The following FLAD1 variants were observed in gnomAD, a reference collection of about 807,000 sequenced individuals.
FLAD1 encodes the protein bifunctional FAD diphosphatase/FAD synthase.
FLAD1 carries 35 observed loss-of-function variants against 55.0 expected under a neutral mutation model. The observed-to-expected ratio is 0.64, with a 90% confidence interval of 0.49 to 0.84. FLAD1 has a LOEUF of 0.84. FLAD1 is among the 40% of genes least tolerant of loss of function. The probability of loss-of-function intolerance (pLI) is 0.00; values close to 1 mark genes in which losing one functional copy is unlikely to be tolerated. For missense variants in FLAD1, 665 were observed against 742.6 expected (o/e 0.90, Z 1.21); for synonymous variants, 267 against 303.0 (o/e 0.88, Z 1.23).
intron 1 of FLAD1, 94 bp from the exon 2 acceptor site, chr1:154,988,011 G>A: frequency 6.2e-7 from 1 of 1,602,888 alleles, no homozygotes; most frequent in Non-Finnish European, 8.5e-7. Flanking sequence ...AAAGAGCAGA[G>A]CACTGCATCA....
chr1:154,984,132 TC>T, intron 1 of FLAD1, 66 bp downstream of exon 1: 1 of 1,364,476 alleles, frequency 7.3e-7, no homozygotes, highest in Non-Finnish European at 9.6e-7. Context: ...CTGCTGCACA[TC>T]CCTCCATGGA....
At chr1:154,987,794 T>C in intron 1 of FLAD1, 2 of 562,502 alleles carry the variant, frequency 3.6e-6, no homozygotes, top group East Asian at 3.1e-5. Flanking sequence ...TAAAATGAGC[T>C]GAATGTGGTG....
intron 1 of FLAD1, 57 bp from the exon 2 acceptor site, chr1:154,988,048 A>T (rs527449937): frequency 1.7e-5 from 27 of 1,612,778 alleles, no homozygotes; most frequent in Middle Eastern, 3.3e-4. Flanking sequence ...ATCATCTTCA[A>T]CCCCTCCCCT....
Position 154,993,111 on chromosome 1 carries a change from G to A in FLAD1, c.*74G>A. On this transcript the variant is annotated 3_prime_UTR_variant, in exon 7 of 7. Coordinates refer to ENST00000292180, the MANE Select transcript of FLAD1 (RefSeq NM_025207.5). ...GGCAATAAACCGTGCCTCTCACTGTGCCTGTTGCTCTAGCTGTGTCTTCCT... is the reference window on the plus strand; with the variant it reads ...GGCAATAAACCGTGCCTCTCACTGTACCTGTTGCTCTAGCTGTGTCTTCCT... 2.1e-6 allele frequency: 3 copies of A among 1,417,632 alleles called. No individual in the cohort carries two copies. Among genetic ancestry groups the A allele is most frequent in the East Asian group, 2.3e-5 (1 of 43,720 alleles). The allele number at this position is 1,417,632 out of a possible 1,614,324, so 87.8% of individuals were successfully genotyped here.
In FLAD1 at chr1:154,992,882, C is replaced by T. The variant is rs1341440193; in HGVS notation, c.1629-20C>T. 1.2e-6 allele frequency: 2 copies of T among 1,613,890 alleles called. No homozygotes were observed. Among genetic ancestry groups the T allele is most frequent in the Non-Finnish European group, 1.7e-6 (2 of 1,179,962 alleles). ...TCGCCCACCCTACCACATGCTTGCC[C>T]TCCACCCTCCCTGCTCCAGATACAC... On this transcript the variant is annotated intron_variant, in intron 6 of 6. Coordinates refer to ENST00000292180, the MANE Select transcript of FLAD1 (RefSeq NM_025207.5).
rs1206451874 is a variant in FLAD1 at position 154,983,587 on chromosome 1, C to T, written c.-108C>T. 1.2e-5 allele frequency: 14 copies of T among 1,212,128 alleles called. No homozygotes were observed. The highest frequency in any genetic ancestry group is 1.6e-5 in the Non-Finnish European group (14 of 868,944). 75.1% of individuals were successfully genotyped at this position (1,212,128 alleles called of 1,614,324 possible). ...AGGGGTACGGATGCCCAAGGTAGAG[C>T]AGACACTTGAGGAGACCAGCTCAGC... On this transcript the variant is annotated 5_prime_UTR_variant, in exon 1 of 7. The change creates a premature stop within an existing upstream ORF in the 5' untranslated region. Coordinates refer to ENST00000292180, the MANE Select transcript of FLAD1 (RefSeq NM_025207.5).
rs763187537 is a variant in FLAD1 at position 154,988,789 on chromosome 1, C to G, written c.1057C>G (p.Pro353Ala). ...TARLPQGSLVPYMPNAVEQAS... is the reference protein window; with the variant it reads ...TARLPQGSLVAYMPNAVEQAS... ...CCGTTTGCCCCAGGGATCGCTGGTC[C>G]CCTACATGCCCAACGCTGTGGAGCA... The change falls in exon 2 of 7, where the codon CCC becomes GCC. Residue 353 changes from proline to alanine, a missense_variant. Pro to Ala is a conservative substitution (Grantham distance 27). Coordinates refer to ENST00000292180, the MANE Select transcript of FLAD1 (RefSeq NM_025207.5). 2.5e-6 allele frequency: 4 copies of G among 1,614,084 alleles called. No homozygotes were observed.
rs1657818551 is a variant in FLAD1 at position 154,990,586 on chromosome 1, C to T, written c.1554+58C>T. 5 of 1,464,546 alleles carry T rather than the reference C, an allele frequency of 3.4e-6. No homozygotes were observed. The South Asian group carries it at 4.1e-5, about 12-fold the overall frequency. The allele number at this position is 1,464,546 out of a possible 1,614,324, so 90.7% of individuals were successfully genotyped here. ...TCACGTGCCCCAGCAGTCACTGCAC[C>T]CTAGCTCACCTGCAGTAGTGGGGAG... On this transcript the variant is annotated intron_variant, in intron 5 of 6. Transcript: ENST00000292180.
rs755481310 is a variant in FLAD1 at position 154,988,435 on chromosome 1, C to G, written c.703C>G (p.Pro235Ala). ...TGCCCGCCTGCATTATGGCACAGAT[C>G]CTTGCACTGGTCAACCTTTCAGATT... ...SSARLHYGTDPCTGQPFRFPL... is the reference protein window; with the variant it reads ...SSARLHYGTDACTGQPFRFPL... The change falls in exon 2 of 7, where the codon CCT becomes GCT. Residue 235 changes from proline (P) to alanine (A), a missense_variant. Pro to Ala is a conservative substitution (Grantham distance 27, BLOSUM62 -1). Transcript: ENST00000292180. The G allele has an allele frequency of 5.6e-6, 9 of 1,614,124 alleles. No individual in the cohort carries two copies. The East Asian group carries it at 2.0e-4, about 36-fold the overall frequency.
Position 154,983,699 on chromosome 1 carries a change from G to A in FLAD1, c.5G>A (p.Gly2Asp). 1 of 1,609,296 alleles carries A rather than the reference G, an allele frequency of 6.2e-7. No homozygotes were observed. The highest frequency in any genetic ancestry group is 8.5e-7 in the Non-Finnish European group (1 of 1,176,508). ...AAGCAAGACATTTAAAAGGACATGG[G>A]TTGGGATTTGGGAACACGTTTATTC... Reference protein sequence around the residue: MGWDLGTRLFQR... With the variant: MDWDLGTRLFQR... The change falls in exon 1 of 7, where the codon GGT (glycine) becomes GAT (aspartate). Residue 2 changes from glycine (G) to aspartate (D), a missense_variant. Physicochemically the swap from Gly to Asp is moderately conservative, Grantham distance 94. Transcript: ENST00000292180.
chr1:154,986,762 A>AT (rs1224601850), intron 1 of FLAD1, among the ~76,000 whole-genome samples: 1 of 124,800 alleles, frequency 8.0e-6, no homozygotes, highest in Non-Finnish European at 1.6e-5. Flanking sequence ...GCTAGAGCTA[A>AT]TTTTTTGTAT....
chr1:154,992,984 C>A lies in FLAD1; in HGVS notation c.1711C>A (p.Arg571Ser). The change falls in exon 7 of 7, where the codon CGT becomes AGT. Residue 571 changes from arginine (R) to serine (S), a missense_variant. Transcript: ENST00000292180. Reference protein sequence around the residue: ...CLSPGGHPTYRPAYLLENEEE... With the variant: ...CLSPGGHPTYSPAYLLENEEE... ...GAGCCCAGGAGGACACCCCACATAC[C>A]GTCCAGCCTATCTACTGGAGAACGA... 6.2e-7 allele frequency: 1 copy of A among 1,614,066 alleles called. No homozygotes were observed. The highest frequency in any genetic ancestry group is 8.5e-7 in the Non-Finnish European group (1 of 1,180,006).
intron 2 of FLAD1, 145 bp from the exon 3 acceptor site, chr1:154,989,415 C>G: frequency 1.2e-6 from 1 of 801,102 alleles, no homozygotes; most frequent in South Asian, 2.2e-5. Context: ...ACTGCAGGGC[C>G]TAGCGGGCAG....
In FLAD1 at chr1:154,992,704, A is replaced by C; in HGVS notation, c.1555-9A>C. 1 of 1,613,864 alleles carries C rather than the reference A, an allele frequency of 6.2e-7. No homozygotes were observed. The highest frequency in any genetic ancestry group is 1.1e-5 in the South Asian group (1 of 91,080). ...CATTTGTGACTATTCTATTACTCTG[A>C]CCTCCCAGGACTGGACCTACAGAGA... On this transcript the variant is annotated splice_polypyrimidine_tract_variant and intron_variant, in intron 5 of 6. Coordinates refer to ENST00000292180, the MANE Select transcript of FLAD1 (RefSeq NM_025207.5).
intron 1 of FLAD1, chr1:154,987,903 G>C: frequency 1.4e-6 from 2 of 1,433,530 alleles, no homozygotes; most frequent in Non-Finnish European, 1.8e-6. Flanking sequence ...CTATACTCCA[G>C]CCTGGGTGAC....
chr1:154,985,246 T>TG (rs1379155108), intron 1 of FLAD1, among the ~76,000 whole-genome samples: 1 of 150,692 alleles, frequency 6.6e-6, no homozygotes, highest in African/African-American at 2.4e-5. Context: ...TTGTTTTTTT[T>TG]TTTTAGATAG....
rs1657725512 is a variant in FLAD1, at chr1:154,988,577, A to G, written c.845A>G (p.Lys282Arg). ...AACCCAGCTGTTCAGTTCCACTCAAAGGAGCTATATGTGGCTGCTGATGAA... is the reference window on the plus strand; with the variant it reads ...AACCCAGCTGTTCAGTTCCACTCAAGGGAGCTATATGTGGCTGCTGATGAA... The part of the protein sequence containing the change: ...FQNPAVQFHS[K>R]ELYVAADEAS... The change falls in exon 2 of 7, where the codon AAG (lysine) becomes AGG (arginine). Residue 282 changes from lysine (K) to arginine (R), a missense_variant. By Grantham distance (26) the Lys-to-Arg change is conservative. Coordinates refer to ENST00000292180, the MANE Select transcript of FLAD1 (RefSeq NM_025207.5). The G allele has an allele frequency of 6.2e-7, 1 of 1,614,216 alleles. No homozygotes were observed. The highest frequency in any genetic ancestry group is 2.2e-5 in the East Asian group (1 of 44,892).
chr1:154,991,587 G>C (rs1657870587), intron 5 of FLAD1, among the ~76,000 whole-genome samples: 1 of 151,928 alleles, frequency 6.6e-6, no homozygotes, highest in African/African-American at 2.4e-5. Context: ...TTATTCAGTT[G>C]TACTAGCCAC....
At position 154,990,396 on chromosome 1, in the gene FLAD1, G is replaced by A. The variant is rs371346800; in HGVS notation, c.1422G>A (p.Leu474=). Residue 474 remains leucine (L), a synonymous_variant, in exon 5 of 7, where the codon CTG becomes CTA. Transcript: ENST00000292180. The part of the protein sequence containing the change: ...EGSMKQALGE[L]QARHPQLEAV... ...GCATGAAGCAGGCCCTGGGTGAACT[G>A]CAGGCACGGCACCCCCAGCTGGAGG... The A allele has an allele frequency of 1.5e-5, 25 of 1,614,000 alleles. No individual in the cohort carries two copies. Among genetic ancestry groups the A allele is most frequent in the Non-Finnish European group, 1.9e-5 (22 of 1,180,008 alleles).
Sources: allele counts gnomAD v4.1 joint callset (sites outside exome capture counted in the v4.1 genomes callset), GRCh38; gene constraint gnomAD v4.1.1; transcripts MANE v1.5; gene names NCBI Gene and HGNC (gene_info 2026-07-23, HGNC 2026-07-21).